Variants in LHPP observed in about 807,000 individuals in gnomAD.
LHPP encodes phospholysine phosphohistidine inorganic pyrophosphate phosphatase.
Under a neutral mutation model 30.3 loss-of-function variants are expected in LHPP, and 24 were observed. The observed-to-expected ratio is 0.79, with a 90% CI of 0.57 to 1.11. The LOEUF (loss-of-function observed/expected upper bound fraction) is 1.11, where lower values mean the gene tolerates loss of function less well. Ranked by LOEUF, LHPP falls within the 50% of genes most tolerant of loss-of-function variation. The probability of loss-of-function intolerance (pLI) is 0.00; values close to 1 mark genes in which losing one functional copy is unlikely to be tolerated. For synonymous variants in LHPP, 150 were observed against 157.1 expected (o/e 0.95, Z 0.34); for missense variants, 356 against 367.2 (o/e 0.97, Z 0.25).
At chr10:124,562,133 C>A (rs1948405947) in intron 6 of LHPP, among the ~76,000 whole-genome samples, 1 of 152,032 alleles carries the variant, frequency 6.6e-6, no homozygotes, top group South Asian at 2.1e-4. Context: ...CACAGGGAGA[C>A]CTTGTCTCTA....
intron 6 of LHPP, among the ~76,000 whole-genome samples, chr10:124,532,017 T>C (rs1027316879): frequency 2.6e-4 from 39 of 152,220 alleles, no homozygotes; most frequent in African/African-American, 9.2e-4. Flanking sequence ...TGGCTTCCTA[T>C]GTAATTCAGT....
At chr10:124,555,228 G>A (rs907828447) in intron 6 of LHPP, among the ~76,000 whole-genome samples, 4 of 152,242 alleles carry the variant, frequency 2.6e-5, no homozygotes, top group Non-Finnish European at 4.4e-5. Context: ...CCTCAGCCCA[G>A]TAGTGGAGAA....
Position 124,576,348 on chromosome 10 carries a change from G to A in LHPP, c.717-36916G>A, listed in dbSNP as rs577577266. Among the ~76,000 whole-genome samples, 1 of 152,048 alleles carries A rather than the reference G, an allele frequency of 6.6e-6. No homozygotes were observed. Among genetic ancestry groups the A allele is most frequent in the Non-Finnish European group, 1.5e-5 (1 of 67,970 alleles). ...TGTGGGGGCGCTGGGGTGGCAGCAG[G>A]GCCAGACCCCACTTCAGGGGTTGCC... On this transcript the variant is annotated intron_variant, in intron 6 of 6. Coordinates refer to ENST00000368842, the MANE Select transcript of LHPP (RefSeq NM_022126.4). The surrounding 1 kb of genome is among the most constrained non-coding windows in gnomAD (Gnocchi z 4.2).
intron 6 of LHPP, among the ~76,000 whole-genome samples, chr10:124,520,313 C>CTCCAA (rs775963805): frequency 6.6e-6 from 1 of 152,118 alleles, no homozygotes; most frequent in Admixed American, 6.5e-5. Flanking sequence ...CCAACAGGCC[C>CTCCAA]CAGTGTGTGT....
chr10:124,519,495 T>C (rs1002071138), intron 6 of LHPP, among the ~76,000 whole-genome samples: 6 of 152,314 alleles, frequency 3.9e-5, no homozygotes, highest in African/African-American at 1.4e-4. Context: ...GTTACATGCA[T>C]AAGTTCTTTA....
intron 6 of LHPP, among the ~76,000 whole-genome samples, chr10:124,533,907 G>A (rs1423793281): frequency 1.3e-5 from 2 of 152,254 alleles, no homozygotes; most frequent in African/African-American, 4.8e-5. Flanking sequence ...CAGGGGCTGA[G>A]GCATAGGGAG....
intron 1 of LHPP, among the ~76,000 whole-genome samples, chr10:124,473,560 G>C (rs986963439): frequency 6.6e-6 from 1 of 152,098 alleles, no homozygotes; most frequent in African/African-American, 2.4e-5. Flanking sequence ...GTCCCTTAGC[G>C]TTCCGTCACC....
chr10:124,533,314 C>G (rs1417886675), intron 6 of LHPP, among the ~76,000 whole-genome samples: 1 of 152,222 alleles, frequency 6.6e-6, no homozygotes, highest in East Asian at 1.9e-4. Context: ...AATGCACCCC[C>G]CAGAGCGGCT....
At chr10:124,475,965 T>C (rs1212129129) in intron 1 of LHPP, among the ~76,000 whole-genome samples, 1 of 152,120 alleles carries the variant, frequency 6.6e-6, no homozygotes, top group African/African-American at 2.4e-5. Context: ...CTAAATTGCG[T>C]TTATTGATTC....
At chr10:124,578,041 C>T (rs191131294) in intron 6 of LHPP, among the ~76,000 whole-genome samples, 77 of 152,208 alleles carry the variant, frequency 5.1e-4, no homozygotes, top group Non-Finnish European at 1.0e-3. Context: ...CTAGAGTGGC[C>T]CCAGCCGAGA....
intron 6 of LHPP, among the ~76,000 whole-genome samples, chr10:124,522,038 G>T (rs1327120576): frequency 6.6e-6 from 1 of 151,972 alleles, no homozygotes; most frequent in East Asian, 1.9e-4. Context: ...AGAGAGTGAA[G>T]CCTCGGGGTT....
In LHPP at chr10:124,576,204, A is replaced by G. The variant is rs1948657989; in HGVS notation, c.717-37060A>G. 6.6e-6 allele frequency among the ~76,000 whole-genome samples: 1 copy of G among 152,148 alleles called. No individual in the cohort carries two copies. Among genetic ancestry groups the G allele is most frequent in the Non-Finnish European group, 1.5e-5 (1 of 68,012 alleles). The stretch of plus-strand genomic sequence containing the variant: ...GTACTGCCTAATAGAGTGCTCACAC[A>G]TGTTAAAACTACCTGGCAGGCAGGA... On this transcript the variant is annotated intron_variant, in intron 6 of 6. Transcript: ENST00000368842. This position sits in a 1 kb window ranked among gnomAD's most constrained non-coding sequence, Gnocchi z 4.2.
intron 3 of LHPP, among the ~76,000 whole-genome samples, chr10:124,494,509 C>T (rs558871478): frequency 1.7e-3 from 255 of 152,290 alleles, no homozygotes; most frequent in African/African-American, 5.9e-3. Context: ...ATTAGGGAGG[C>T]CCTCCCTACC....
At chr10:124,583,656 A>T (rs1025701957) in intron 6 of LHPP, among the ~76,000 whole-genome samples, 1 of 152,188 alleles carries the variant, frequency 6.6e-6, no homozygotes, top group Non-Finnish European at 1.5e-5. Context: ...TGGGAGCAAG[A>T]GTGGTAGGGG....
chr10:124,572,647 T>TAGGAAAGGA (rs1554894123), intron 6 of LHPP, among the ~76,000 whole-genome samples: 1 of 146,214 alleles, frequency 6.8e-6, no homozygotes, highest in Non-Finnish European at 1.5e-5. Flanking sequence ...AGAAAGAAAG[T>TAGGAAAGGA]AAGAAAGGAA....
intron 6 of LHPP, among the ~76,000 whole-genome samples, chr10:124,608,948 G>A (rs1338122719): frequency 6.6e-6 from 1 of 152,226 alleles, no homozygotes; most frequent in Non-Finnish European, 1.5e-5. Flanking sequence ...ACCCTGCCCA[G>A]CCCAGAGCAG....
At chr10:124,577,014 A>C (rs756380816) in intron 6 of LHPP, among the ~76,000 whole-genome samples, 42 of 152,218 alleles carry the variant, frequency 2.8e-4, no homozygotes, top group Non-Finnish European at 5.6e-4. Flanking sequence ...TTTGAGGATA[A>C]GGAAACCGAA....
rs1948389496 is a variant in LHPP at position 124,561,200 on chromosome 10, CTG to C, written c.716+43932_716+43933del. Reference sequence around the variant, plus strand: ...GAGACAGAAAACATTTAGGCAATAACTGTGGTACTCCAGCCAAACACCACAGA... The same window carrying C: ...GAGACAGAAAACATTTAGGCAATAACTGGTACTCCAGCCAAACACCACAGA... On this transcript the variant is annotated intron_variant, in intron 6 of 6. Coordinates refer to ENST00000368842, the MANE Select transcript of LHPP (RefSeq NM_022126.4). 2.6e-5 allele frequency among the ~76,000 whole-genome samples: 4 copies of C among 152,300 alleles called. No homozygotes were observed. In the South Asian group the frequency reaches 8.3e-4, roughly 32 times the overall value.
intron 3 of LHPP, chr10:124,489,898 C>T: frequency 1.6e-5 from 3 of 191,882 alleles, no homozygotes; most frequent in Non-Finnish European, 2.1e-5. Flanking sequence ...CATTCCCAGC[C>T]TCAGCTTTCT....
Sources: gnomAD v4.1 joint callset for allele counts (sites outside exome capture counted in the v4.1 genomes callset) on GRCh38, gnomAD v4.1.1 for gene constraint, Gnocchi (gnomAD v3.1) non-coding constraint, MANE v1.5 for transcripts, NCBI Gene and HGNC (gene_info 2026-07-23, HGNC 2026-07-21) for gene names.